The following ENO4 variants were observed in gnomAD, a reference collection of about 807,000 sequenced individuals.
ENO4 encodes the protein 2-phospho-D-glycerate hydro-lyase.
ENO4 carries 53 observed loss-of-function variants against 63.2 expected under a neutral mutation model. That is an observed-to-expected ratio of 0.84 (90% CI 0.67 to 1.05). The LOEUF (loss-of-function observed/expected upper bound fraction) is 1.05. ENO4 is among the 50% of genes least tolerant of loss of function. The probability of loss-of-function intolerance (pLI) is 0.00; values close to 1 mark genes in which losing one functional copy is unlikely to be tolerated. For missense variants in ENO4, 719 were observed against 772.0 expected (o/e 0.93, Z 0.81); for synonymous variants, 266 against 283.8 (o/e 0.94, Z 0.63).
chr10:116,898,260 G>A (rs940015926), intron 10 of ENO4, among the ~76,000 whole-genome samples: 3 of 151,872 alleles, frequency 2.0e-5, no homozygotes, highest in Admixed American at 6.6e-5. Flanking sequence ...CTTGGGTGGC[G>A]GAGGTTGCAG....
chr10:116,884,284 C>A (rs1382997055), downstream of ENO4: 2 of 458,594 alleles, frequency 4.4e-6, no homozygotes, highest in Non-Finnish European at 8.8e-6. Flanking sequence ...AGGGGCAAAA[C>A]CCCCTCAAAA....
At chr10:116,864,911 T>G (rs1205436412) in intron 7 of ENO4, among the ~76,000 whole-genome samples, 1 of 151,834 alleles carries the variant, frequency 6.6e-6, no homozygotes, top group African/African-American at 2.4e-5. Context: ...TCCCAGCTAC[T>G]CGGGAGGCTG....
chr10:116,859,929 G>C (rs1439423285), intron 4 of ENO4, among the ~76,000 whole-genome samples: 2 of 152,166 alleles, frequency 1.3e-5, no homozygotes, highest in African/African-American at 4.8e-5. Flanking sequence ...GATTTGCCCC[G>C]AGACAAAATA....
intron 10 of ENO4, among the ~76,000 whole-genome samples, chr10:116,899,155 T>C (rs1847629971): frequency 2.6e-5 from 4 of 152,046 alleles, no homozygotes; most frequent in African/African-American, 9.6e-5. Flanking sequence ...CAGGAAAAAA[T>C]TCTTACCCTC....
chr10:116,895,351 T>C (rs1312650467), intron 10 of ENO4, among the ~76,000 whole-genome samples: 1 of 152,234 alleles, frequency 6.6e-6, no homozygotes, highest in East Asian at 1.9e-4. Flanking sequence ...GACAGGCTAA[T>C]TTCTAAAATT....
chr10:116,862,206 G>A (rs1213917716), intron 6 of ENO4, among the ~76,000 whole-genome samples: 1 of 152,212 alleles, frequency 6.6e-6, no homozygotes, highest in Non-Finnish European at 1.5e-5. Flanking sequence ...CCTCACGCCT[G>A]TAATCCCAGC....
At chr10:116,869,790 A>T (rs972504051) in intron 8 of ENO4, among the ~76,000 whole-genome samples, 1 of 152,196 alleles carries the variant, frequency 6.6e-6, no homozygotes, top group African/African-American at 2.4e-5. Context: ...CATTAGAAAC[A>T]GTCTAGAGTA....
chr10:116,890,327 T>C (rs958442890), intron 10 of ENO4, among the ~76,000 whole-genome samples: 1 of 152,166 alleles, frequency 6.6e-6, no homozygotes, highest in Admixed American at 6.5e-5. Context: ...AAAACTAAAA[T>C]CATGGGATGC....
intron 10 of ENO4, among the ~76,000 whole-genome samples, chr10:116,910,432 T>C (rs1028205667): frequency 2.0e-5 from 3 of 152,196 alleles, no homozygotes; most frequent in Non-Finnish European, 2.9e-5. Flanking sequence ...ATTTCTCTCC[T>C]TGAAGTGGCA....
intron 10 of ENO4, among the ~76,000 whole-genome samples, chr10:116,891,058 A>G (rs1382891621): frequency 2.6e-5 from 4 of 152,254 alleles, no homozygotes; most frequent in South Asian, 2.1e-4. Flanking sequence ...TCTGAGCTCA[A>G]TTGAATACAA....
chr10:116,880,779 T>C (rs1261438649), intron 13 of ENO4, among the ~76,000 whole-genome samples: 1 of 152,190 alleles, frequency 6.6e-6, no homozygotes, highest in East Asian at 1.9e-4. Flanking sequence ...ATAGGTAAAA[T>C]TATACTGTTC....
At chr10:116,911,931 C>T, downstream of ENO4, 2 of 940,534 alleles carry the variant, frequency 2.1e-6, no homozygotes, top group Admixed American at 3.5e-5. Flanking sequence ...CTATTAGTAG[C>T]CTTATATTGG....
chr10:116,865,604 C>T (rs1243753868), intron 7 of ENO4, among the ~76,000 whole-genome samples: 2 of 152,172 alleles, frequency 1.3e-5, no homozygotes, highest in Non-Finnish European at 2.9e-5. Flanking sequence ...GCAATCTGTT[C>T]TTTTAAGGCA....
chr10:116,857,819 T>C (rs1846309426), intron 3 of ENO4, among the ~76,000 whole-genome samples: 1 of 152,088 alleles, frequency 6.6e-6, no homozygotes, highest in South Asian at 2.1e-4. Context: ...TTATTTTTAG[T>C]AGAAATGTGT....
downstream of ENO4, chr10:116,886,272 G>A: frequency 6.5e-7 from 1 of 1,544,070 alleles, no homozygotes; most frequent in African/African-American, 1.4e-5. Flanking sequence ...TACAGCCCTT[G>A]CCAATATAAC....
intron 10 of ENO4, among the ~76,000 whole-genome samples, chr10:116,902,820 G>A (rs973734630): frequency 1.3e-5 from 2 of 152,196 alleles, no homozygotes; most frequent in Non-Finnish European, 2.9e-5. Context: ...AGTAAGAAGA[G>A]CACAAAACTT....
At chr10:116,873,568 CA>C (rs1322098739) in intron 9 of ENO4, among the ~76,000 whole-genome samples, 5 of 152,144 alleles carry the variant, frequency 3.3e-5, no homozygotes, top group African/African-American at 1.2e-4. Context: ...AGAAATGCCT[CA>C]AATAAATCAC....
At chr10:116,880,009 G>C in intron 13 of ENO4, 23 bp downstream of exon 13, 1 of 1,500,110 alleles carries the variant, frequency 6.7e-7, no homozygotes, top group Non-Finnish European at 9.1e-7. Flanking sequence ...TTCTTGCTTT[G>C]TTTCCACTTA....
chr10:116,879,786 G>A (rs1846948083), intron 12 of ENO4, 83 bp from the exon 13 acceptor site: 21 of 1,076,698 alleles, frequency 2.0e-5, no homozygotes, highest in Non-Finnish European at 2.8e-5. Flanking sequence ...CACTGTGACA[G>A]TTTCCTTTGT....
Sources: allele counts gnomAD v4.1 joint callset (sites outside exome capture counted in the v4.1 genomes callset), GRCh38; gene constraint gnomAD v4.1.1; transcripts MANE v1.5; gene names NCBI Gene and HGNC (gene_info 2026-07-23, HGNC 2026-07-21).